The following LACTBL1 variants were observed in gnomAD, a reference collection of about 807,000 sequenced individuals.
The protein encoded by LACTBL1 is beta-lactamase-like protein 1.
Under a neutral mutation model 39.6 loss-of-function variants are expected in LACTBL1, and 29 were observed. That is an observed-to-expected ratio of 0.73 (90% CI 0.55 to 1.00). LACTBL1 has a LOEUF of 1.00. LACTBL1 is among the 50% of genes least tolerant of loss of function. The pLI is 0.00. For synonymous variants in LACTBL1, 361 were observed against 360.7 expected (o/e 1.00, Z -0.01); for missense variants, 711 against 748.5 (o/e 0.95, Z 0.59).
chr1:22,959,015 A>G, intron 3 of LACTBL1, 95 bp from the exon 6 acceptor site: 1 of 746,790 alleles, frequency 1.3e-6, no homozygotes. Flanking sequence ...AGTGTTCTAG[A>G]AAAGCACTGC....
chr1:22,958,575 G>A (rs1640785138), intron 4 of LACTBL1, 110 bp downstream of exon 6: 1 of 886,512 alleles, frequency 1.1e-6, no homozygotes, highest in African/African-American at 1.7e-5. Context: ...CGTAGGGCCA[G>A]TTCAGGAAGC....
At position 22,962,124 on chromosome 1, in the gene LACTBL1, G is replaced by A. The variant is rs1024666861; in HGVS notation, c.159+983C>T. On this transcript the variant is annotated intron_variant, in intron 2 of 5. Coordinates refer to ENST00000426928, the Ensembl canonical transcript of LACTBL1. Reference sequence around the variant, plus strand: ...AGGAATGCATGTAAGTGGTTACATGGCAATGGCGCATTCCAGGTGCTCAAC... The same window carrying A: ...AGGAATGCATGTAAGTGGTTACATGACAATGGCGCATTCCAGGTGCTCAAC... Among the ~76,000 whole-genome samples the A allele has an allele frequency of 2.0e-5, 3 of 152,270 alleles. No homozygotes were observed. In the South Asian group the frequency reaches 6.2e-4, roughly 32 times the overall value.
rs557531724 is a variant in LACTBL1, at chr1:22,953,644, G to A, written c.1040C>T (p.Thr347Met). ...CCGCTGCGCGTGGAACTCCCACGGC[G>A]TGCCCGTCTCGTTGGCGAAGTAGGC... The change falls in exon 6 of 6, where the codon ACG becomes ATG. Residue 347 changes from threonine to methionine, a missense_variant. Physicochemically the swap from Thr to Met is moderately conservative, Grantham distance 81. Coordinates refer to ENST00000426928, the Ensembl canonical transcript of LACTBL1. The A allele has an allele frequency of 6.1e-5, 78 of 1,271,156 alleles. 1 individual carries two copies. The African/African-American group carries it at 9.3e-4, about 15-fold the overall frequency. 78.7% of individuals were successfully genotyped at this position (1,271,156 alleles called of 1,614,324 possible).
At chr1:22,955,889 C>G (rs559492952) in intron 4 of LACTBL1, among the ~76,000 whole-genome samples, 1 of 151,954 alleles carries the variant, frequency 6.6e-6, no homozygotes, top group African/African-American at 2.4e-5. Flanking sequence ...TGGTGAAACC[C>G]CATCTCTTCT....
intron 4 of LACTBL1, among the ~76,000 whole-genome samples, chr1:22,958,104 T>C (rs186313879): frequency 6.6e-6 from 1 of 152,302 alleles, no homozygotes; most frequent in East Asian, 1.9e-4. Context: ...TGTTTACAAA[T>C]ATAAACTTTT....
the LACTBL1 span, among the ~76,000 whole-genome samples, chr1:22,970,578 C>T: frequency 6.6e-6 from 1 of 152,024 alleles, no homozygotes; most frequent in Admixed American, 6.6e-5. Flanking sequence ...GAGGCCGAGG[C>T]AGGAGGATCA....
chr1:22,963,549 G>C (rs932942365), intron 1 of LACTBL1, among the ~76,000 whole-genome samples: 2 of 152,186 alleles, frequency 1.3e-5, no homozygotes, highest in Non-Finnish European at 2.9e-5. Flanking sequence ...ACATCTGTCT[G>C]TCTGACCTGC....
At chr1:22,958,799 G>A (rs1020143383) in exon 4 of LACTBL1, 2 of 1,550,686 alleles carry the variant, frequency 1.3e-6, no homozygotes, top group Non-Finnish European at 1.7e-6. Flanking sequence ...AGGCCCAGCG[G>A]GTTGTTAATG....
At chr1:22,955,885 A>G (rs541472491) in intron 4 of LACTBL1, among the ~76,000 whole-genome samples, 2 of 152,090 alleles carry the variant, frequency 1.3e-5, no homozygotes, top group South Asian at 4.2e-4. Flanking sequence ...AACATGGTGA[A>G]ACCCCATCTC....
chr1:22,967,334 A>T (rs1272108637), upstream of LACTBL1, among the ~76,000 whole-genome samples: 2 of 152,172 alleles, frequency 1.3e-5, no homozygotes, highest in African/African-American at 4.8e-5. Context: ...ACACCACTGC[A>T]CTCCAGCCTA....
the LACTBL1 span, among the ~76,000 whole-genome samples, chr1:22,971,576 G>A: frequency 2.0e-5 from 3 of 151,982 alleles, no homozygotes. Context: ...TCATGCTCAC[G>A]GCCCACTCTG....
chr1:22,966,729 C>G (rs1011510703), upstream of LACTBL1, among the ~76,000 whole-genome samples: 3 of 152,186 alleles, frequency 2.0e-5, no homozygotes, highest in Non-Finnish European at 4.4e-5. Flanking sequence ...TGGAAGTCCT[C>G]AAGCACCTGG....
chr1:22,972,528 C>G, the LACTBL1 span: 2 of 663,034 alleles, frequency 3.0e-6, no homozygotes, highest in Middle Eastern at 7.6e-4. Context: ...CCATGGCTCC[C>G]CCTCCCAGGT....
chr1:22,972,358 G>A, the LACTBL1 span: 1 of 985,032 alleles, frequency 1.0e-6, no homozygotes, highest in African/African-American at 1.8e-5. Flanking sequence ...TGAGGATTCA[G>A]GTCTACACCA....
chr1:22,957,656 T>C (rs1187984042), intron 4 of LACTBL1, among the ~76,000 whole-genome samples: 1 of 138,522 alleles, frequency 7.2e-6, no homozygotes, highest in Non-Finnish European at 1.6e-5. Flanking sequence ...TTTTTTTTTT[T>C]TTTTTTTTTT....
At chr1:22,967,805 G>A (rs927030400), upstream of LACTBL1, among the ~76,000 whole-genome samples, 2 of 152,028 alleles carry the variant, frequency 1.3e-5, no homozygotes, top group African/African-American at 4.8e-5. Flanking sequence ...TGTCTGTTCA[G>A]TTTCCCCATC....
chr1:22,972,437 A>C, the LACTBL1 span: 1 of 985,242 alleles, frequency 1.0e-6, no homozygotes, highest in African/African-American at 1.7e-5. Flanking sequence ...AGGGGCTGGA[A>C]AAAGAGGAGG....
chr1:22,960,076 T>C, exon 3 of LACTBL1: 1 of 1,550,674 alleles, frequency 6.4e-7, no homozygotes, highest in Non-Finnish European at 8.7e-7. Flanking sequence ...GGGCAGACAT[T>C]GCCTGGCGCA....
chr1:22,953,305 A>T lies in LACTBL1; in HGVS notation c.1379T>A (p.Val460Glu), dbSNP rs930842529. 2.9e-5 allele frequency: 35 copies of T among 1,226,130 alleles called. No homozygotes were observed. In the African/African-American group the frequency reaches 5.1e-4, roughly 18 times the overall value. The allele number at this position is 1,226,130 out of a possible 1,614,324, so 76.0% of individuals were successfully genotyped here. ...GAACGCTGGAGGCACCAGCGCCTCC[A>T]CGCGCGGCCCGAACTGGCGCAGGCG... Residue 460 changes from valine to glutamate, a missense_variant, in exon 6 of 6, where the codon GTG (valine) becomes GAG (glutamate). By Grantham distance (121) the Val-to-Glu change is moderately radical. Coordinates refer to ENST00000426928, the Ensembl canonical transcript of LACTBL1.
Sources: allele counts gnomAD v4.1 joint callset (sites outside exome capture counted in the v4.1 genomes callset), GRCh38; gene constraint gnomAD v4.1.1; transcripts MANE v1.5; gene names NCBI Gene and HGNC (gene_info 2026-07-23, HGNC 2026-07-21).